TARS3: variants seen among roughly 807,000 people sequenced by gnomAD.
TARS3 encodes threonyl-tRNA synthetase 3.
In TARS3, 94 loss-of-function variants were observed where a neutral mutation model predicts 103.5. That is an observed-to-expected ratio of 0.91 (90% CI 0.77 to 1.08). The LOEUF (loss-of-function observed/expected upper bound fraction) is 1.08. TARS3 is among the 50% of genes least tolerant of loss of function. TARS3 has a pLI of 0.00. For missense variants in TARS3, 952 were observed against 995.2 expected (o/e 0.96, Z 0.58); for synonymous variants, 416 against 355.4 (o/e 1.17, Z -1.92).
chr15:101,699,887 C>T (rs74033397), intron 10 of TARS3, among the ~76,000 whole-genome samples: 1,800 of 152,024 alleles, frequency 0.012, 47 homozygotes, highest in African/African-American at 0.041. Flanking sequence ...AGATAAGCAA[C>T]GAAGAGATAT....
At position 101,702,390 on chromosome 15, in the gene TARS3, A is replaced by T. The variant is rs1899328481; in HGVS notation, c.1075-5T>A. ...CTCCCAATATGTTGAGGAATTCTAA[A>T]TATCAAAGAGGATTTTGGTAAATAT... On this transcript the variant is annotated splice_polypyrimidine_tract_variant and splice_region_variant and intron_variant, in intron 8 of 18. Transcript: ENST00000335968. 1.2e-6 allele frequency: 2 copies of T among 1,612,216 alleles called. No individual in the cohort carries two copies. Among genetic ancestry groups the T allele is most frequent in the Admixed American group, 3.3e-5 (2 of 59,968 alleles).
chr15:101,711,407 G>C (rs943030573), intron 5 of TARS3, among the ~76,000 whole-genome samples: 2 of 152,178 alleles, frequency 1.3e-5, no homozygotes, highest in African/African-American at 2.4e-5. Flanking sequence ...ACAAAGGTTA[G>C]AACTGCATGG....
rs770422292 is a variant in TARS3, at chr15:101,671,791, T to G, written c.1789-43A>C. On this transcript the variant is annotated intron_variant, in intron 13 of 18. Transcript: ENST00000335968. Reference sequence around the variant, plus strand: ...AAAAGATACAATTATACACTGTATCTTTTTTTTTTACATACAGCTCACAAA... The same window carrying G: ...AAAAGATACAATTATACACTGTATCGTTTTTTTTTACATACAGCTCACAAA... 95 of 998,434 alleles carry G rather than the reference T, an allele frequency of 9.5e-5. No individual in the cohort carries two copies. In the African/African-American group the frequency reaches 1.6e-3, roughly 17 times the overall value. The allele number at this position is 998,434 out of a possible 1,614,324, so 61.8% of individuals were successfully genotyped here.
At chr15:101,693,919 G>A (rs775894495) in intron 10 of TARS3, among the ~76,000 whole-genome samples, 6 of 152,098 alleles carry the variant, frequency 3.9e-5, no homozygotes, top group Non-Finnish European at 8.8e-5. Flanking sequence ...GCATGAGGGA[G>A]TTTTGAGGGG....
intron 3 of TARS3, among the ~76,000 whole-genome samples, chr15:101,718,571 G>T (rs146314765): frequency 6.6e-6 from 1 of 152,296 alleles, no homozygotes; most frequent in East Asian, 1.9e-4. Flanking sequence ...AGGAGGGACA[G>T]GCATTGATAG....
chr15:101,664,021 CA>C (rs2141383604), intron 15 of TARS3: 1 of 152,290 alleles, frequency 6.6e-6, no homozygotes, highest in Non-Finnish European at 1.5e-5. Flanking sequence ...AACCCTTACT[CA>C]ATCATGGTGA....
At chr15:101,704,848 A>G (rs757908804) in intron 7 of TARS3, among the ~76,000 whole-genome samples, 2 of 151,748 alleles carry the variant, frequency 1.3e-5, no homozygotes, top group Non-Finnish European at 2.9e-5. Context: ...CTACATTTTC[A>G]TTTATTTTTA....
chr15:101,666,627 A>C (rs1195149193), intron 15 of TARS3, among the ~76,000 whole-genome samples: 1 of 152,180 alleles, frequency 6.6e-6, no homozygotes, highest in Non-Finnish European at 1.5e-5. Flanking sequence ...TTGTACAAGC[A>C]AAGAAGGTTA....
intron 7 of TARS3, among the ~76,000 whole-genome samples, chr15:101,705,330 G>A (rs1009131940): frequency 7.2e-5 from 11 of 152,310 alleles, no homozygotes; most frequent in African/African-American, 2.2e-4. Context: ...TAAGTATGAG[G>A]CAGAGAATCA....
At chr15:101,657,286 G>A (rs973425643) in intron 17 of TARS3, among the ~76,000 whole-genome samples, 2 of 152,252 alleles carry the variant, frequency 1.3e-5, no homozygotes, top group African/African-American at 2.4e-5. Context: ...CATGCAGTGA[G>A]GACATTCAGG....
chr15:101,662,589 C>T (rs1897425351), intron 15 of TARS3, among the ~76,000 whole-genome samples: 1 of 152,166 alleles, frequency 6.6e-6, no homozygotes, highest in South Asian at 2.1e-4. Context: ...TGCTAAGAGC[C>T]ATTATAGAAT....
At chr15:101,684,398 A>C (rs56224006) in intron 11 of TARS3, among the ~76,000 whole-genome samples, 161 bp from the exon 12 acceptor site, 51,214 of 152,068 alleles carry the variant, frequency 0.34, 10,083 homozygotes, top group Non-Finnish European at 0.46. Flanking sequence ...AAATTAGTGA[A>C]CCTTGCATTT....
chr15:101,662,833 A>C (rs140862462), intron 15 of TARS3, among the ~76,000 whole-genome samples: 35 of 152,338 alleles, frequency 2.3e-4, no homozygotes, highest in Non-Finnish European at 3.7e-4. Context: ...ATTTCTTTGA[A>C]TCATGTCTAG....
chr15:101,684,098 G>C lies in TARS3; in HGVS notation c.1627C>G (p.His543Asp). The C allele has an allele frequency of 6.2e-7, 1 of 1,613,066 alleles. No homozygotes were observed. The highest frequency in any genetic ancestry group is 1.7e-4 in the Middle Eastern group (1 of 6,056). ...ACCTGCTCCACTGTGCAAAAAATGT[G>C]AGCATCGTCCTGCTGGAAGCGCCTC... The part of the protein sequence containing the change: ...RVRRFQQDDA[H>D]IFCTVEQIEE... The change falls in exon 12 of 19, where the codon CAC becomes GAC. Residue 543 changes from histidine (H) to aspartate (D), a missense_variant. Physicochemically the swap from His to Asp is moderately conservative, Grantham distance 81. Coordinates refer to ENST00000335968, the MANE Select transcript of TARS3 (RefSeq NM_152334.3).
chr15:101,672,801 C>T lies in TARS3; in HGVS notation c.1789-1053G>A, dbSNP rs758404895. On this transcript the variant is annotated intron_variant, in intron 13 of 18. Coordinates refer to ENST00000335968, the MANE Select transcript of TARS3 (RefSeq NM_152334.3). ...AGACACTTCCGGGGCCTGGAGGCTG[C>T]GCTCCCCTGTTCCACTCTGTTTCTC... Among the ~76,000 whole-genome samples the T allele has an allele frequency of 7.2e-5, 11 of 152,174 alleles. 1 individual carries two copies. In the South Asian group the frequency reaches 1.2e-3, roughly 17 times the overall value.
intron 13 of TARS3, among the ~76,000 whole-genome samples, chr15:101,673,998 G>T (rs544838637): frequency 9.3e-4 from 142 of 152,192 alleles, no homozygotes; most frequent in African/African-American, 3.2e-3. Context: ...ACCCGCAGTC[G>T]ACTGCAGTCT....
In TARS3 at chr15:101,702,236, T is replaced by C; in HGVS notation, c.1221+3A>G. On this transcript the variant is annotated splice_donor_region_variant and intron_variant, in intron 9 of 18. Transcript: ENST00000335968. ...TCTCCAGTGATTAAGATGTGGGGCA[T>C]ACCTTCCCGATCTTCCTGTGATCTC... 1 of 1,614,208 alleles carries C rather than the reference T, an allele frequency of 6.2e-7. No individual in the cohort carries two copies. The highest frequency in any genetic ancestry group is 8.5e-7 in the Non-Finnish European group (1 of 1,180,024).
chr15:101,673,060 G>A (rs1360326055), intron 13 of TARS3, among the ~76,000 whole-genome samples: 2 of 152,210 alleles, frequency 1.3e-5, no homozygotes. Context: ...GATACATGAA[G>A]ATGTGTCTCT....
chr15:101,722,026 A>G (rs1388655335), intron 2 of TARS3, among the ~76,000 whole-genome samples: 6 of 152,164 alleles, frequency 3.9e-5, no homozygotes, highest in Non-Finnish European at 7.3e-5. Flanking sequence ...TACGATGATC[A>G]CTAGCTTACG....
Sources: gnomAD v4.1 joint callset for allele counts (sites outside exome capture counted in the v4.1 genomes callset) on GRCh38, gnomAD v4.1.1 for gene constraint, MANE v1.5 for transcripts, NCBI Gene and HGNC (gene_info 2026-07-23, HGNC 2026-07-21) for gene names.